Variants in RAI14 observed in about 807,000 individuals in gnomAD.
RAI14 encodes the protein ankycorbin.
In RAI14, 45 loss-of-function variants were observed where a neutral mutation model predicts 115.4. The ratio of observed to expected loss-of-function variants is 0.39; its 90% confidence interval spans 0.31 to 0.50. The LOEUF is 0.50. Ranked by LOEUF, RAI14 falls within the 20% of genes least tolerant of loss-of-function variation. The probability of loss-of-function intolerance (pLI) is 0.85; values close to 1 mark genes in which losing one functional copy is unlikely to be tolerated. For synonymous variants in RAI14, 371 were observed against 415.4 expected, an observed-to-expected ratio of 0.89 and a Z score of 1.30; for missense variants, 939 against 1,131.2, an observed-to-expected ratio of 0.83 and a Z score of 2.44.
chr5:34,728,516 G>A (rs1323403662), intron 2 of RAI14: 1 of 152,144 alleles, frequency 6.6e-6, no homozygotes, highest in Non-Finnish European at 1.5e-5. Flanking sequence ...TCGTGATAGT[G>A]AATAAGTCAC....
At chr5:34,662,326 A>C (rs1742754446) in intron 1 of RAI14, among the ~76,000 whole-genome samples, 1 of 152,236 alleles carries the variant, frequency 6.6e-6, no homozygotes, top group Non-Finnish European at 1.5e-5. Flanking sequence ...TCCTTAATTC[A>C]TGGCACAAAA....
At chr5:34,753,285 C>A (rs1747373054) in intron 2 of RAI14, among the ~76,000 whole-genome samples, 1 of 152,024 alleles carries the variant, frequency 6.6e-6, no homozygotes, top group African/African-American at 2.4e-5. Flanking sequence ...GATAAAATTT[C>A]AAACTTTACC....
In RAI14 at chr5:34,824,287, G is replaced by A. The variant is rs373420832; in HGVS notation, c.2445G>A (p.Glu815=). 6.2e-6 allele frequency: 10 copies of A among 1,614,094 alleles called. No individual in the cohort carries two copies. Among genetic ancestry groups the A allele is most frequent in the Admixed American group, 1.7e-5 (1 of 60,012 alleles). ...SKLKESVKEK[E]KVHSEVVQIR... is the part of the protein sequence containing the mutation. ...TAAAGGAATCTGTGAAAGAGAAAGA[G>A]AAGGTCCATTCAGAGGTTGTCCAGA... is the stretch of plus-strand genomic sequence containing the variant. The change falls in exon 15 of 18, where the codon GAG becomes GAA. Residue 815 remains glutamate (E), a synonymous_variant. Coordinates refer to ENST00000265109, the MANE Select transcript of RAI14 (RefSeq NM_015577.3).
intron 2 of RAI14, among the ~76,000 whole-genome samples, chr5:34,711,227 C>G (rs955469820): frequency 2.0e-5 from 3 of 152,154 alleles, no homozygotes; most frequent in African/African-American, 7.2e-5. Flanking sequence ...CGAAAAGAGA[C>G]TCAGCAAAGG....
At chr5:34,667,748 T>C (rs1404829520) in intron 1 of RAI14, among the ~76,000 whole-genome samples, 1 of 151,880 alleles carries the variant, frequency 6.6e-6, no homozygotes, top group Non-Finnish European at 1.5e-5. Context: ...AAATTGGGAG[T>C]TCCAGGGGAG....
At chr5:34,768,988 C>CA (rs34926209) in intron 3 of RAI14, among the ~76,000 whole-genome samples, 2,801 of 132,070 alleles carry the variant, frequency 0.021, 98 homozygotes, top group African/African-American at 0.07. Context: ...GACCCAGTCT[C>CA]AAAAAAAAAA....
intron 2 of RAI14, among the ~76,000 whole-genome samples, chr5:34,722,739 G>C (rs901750320): frequency 6.6e-6 from 1 of 151,468 alleles, no homozygotes; most frequent in African/African-American, 2.4e-5. Context: ...CCAGCTACTT[G>C]GGGGGCTGAG....
chr5:34,767,397 A>C (rs1749539574), intron 3 of RAI14, among the ~76,000 whole-genome samples: 1 of 152,140 alleles, frequency 6.6e-6, no homozygotes, highest in Non-Finnish European at 1.5e-5. Flanking sequence ...CAGAACCCAC[A>C]GCAGCGAGCG....
intron 4 of RAI14, 125 bp from the exon 5 acceptor site, chr5:34,803,587 C>A: frequency 7.6e-6 from 6 of 792,114 alleles, no homozygotes; most frequent in South Asian, 1.8e-5. Flanking sequence ...AACAAAAAAA[C>A]ACAGTTCCGT....
At chr5:34,769,238 G>A (rs1749827925) in intron 3 of RAI14, among the ~76,000 whole-genome samples, 1 of 152,072 alleles carries the variant, frequency 6.6e-6, no homozygotes, top group East Asian at 1.9e-4. Context: ...TGCTACATCA[G>A]TTCCTAATAG....
At chr5:34,803,523 T>G (rs1754520112) in intron 4 of RAI14, among the ~76,000 whole-genome samples, 189 bp from the exon 5 acceptor site, 1 of 151,854 alleles carries the variant, frequency 6.6e-6, no homozygotes. Context: ...CGTCACTGCA[T>G]TCCAGCCTGG....
At chr5:34,820,258 G>A (rs1756685439) in intron 13 of RAI14, among the ~76,000 whole-genome samples, 1 of 152,192 alleles carries the variant, frequency 6.6e-6, no homozygotes, top group Non-Finnish European at 1.5e-5. Context: ...TTCAAAGTGT[G>A]GGTAAAGTAT....
At position 34,700,067 on chromosome 5, in the gene RAI14, AG is replaced by A. The variant is rs544100014; in HGVS notation, c.36+13113del. Reference sequence around the variant, plus strand: ...TTTTGAGCTGGGTGGGGCCTGGAGAAGAGGCCCAAAGCGCAAATTGGGAACT... The same window carrying A: ...TTTTGAGCTGGGTGGGGCCTGGAGAAAGGCCCAAAGCGCAAATTGGGAACT... On this transcript the variant is annotated intron_variant, in intron 2 of 17. Coordinates refer to ENST00000265109, the MANE Select transcript of RAI14 (RefSeq NM_015577.3). Among the ~76,000 whole-genome samples, 443 of 152,340 alleles carry A rather than the reference AG, an allele frequency of 2.9e-3. 2 individuals carry two copies. The highest frequency in any genetic ancestry group is 0.01 in the African/African-American group (430 of 41,584).
intron 1 of RAI14, chr5:34,684,639 G>A (rs1744657000): frequency 6.6e-6 from 1 of 152,162 alleles, no homozygotes. Context: ...ATTTATCCAA[G>A]GGCCCTAGTC....
chr5:34,726,334 T>A (rs1743462309), intron 2 of RAI14, among the ~76,000 whole-genome samples: 1 of 152,172 alleles, frequency 6.6e-6, no homozygotes, highest in Non-Finnish European at 1.5e-5. Context: ...GGAGGCCTCA[T>A]GAAACTTATG....
chr5:34,789,774 C>T (rs1752713206), intron 3 of RAI14, among the ~76,000 whole-genome samples: 1 of 152,150 alleles, frequency 6.6e-6, no homozygotes, highest in Non-Finnish European at 1.5e-5. Flanking sequence ...TCACGCTTCA[C>T]CCTTTATGAA....
At chr5:34,661,402 A>G (rs149242197) in intron 1 of RAI14, among the ~76,000 whole-genome samples, 1 of 152,222 alleles carries the variant, frequency 6.6e-6, no homozygotes, top group East Asian at 1.9e-4. Flanking sequence ...AGGTAAACAG[A>G]TGTTTGATGA....
In RAI14 at chr5:34,759,145, C is replaced by A. The variant is rs1007017601; in HGVS notation, c.167+1547C>A. 3.3e-4 allele frequency among the ~76,000 whole-genome samples: 51 copies of A among 152,268 alleles called. 1 individual carries two copies. Among genetic ancestry groups the A allele is most frequent in the African/African-American group, 1.2e-3 (50 of 41,560 alleles). ...AGGTATGGTGGCAGGCACCTATAAT[C>A]TCAGCTACTTGGGAGGCTGAGGCAG... On this transcript the variant is annotated intron_variant, in intron 3 of 17. Coordinates refer to ENST00000265109, the MANE Select transcript of RAI14 (RefSeq NM_015577.3).
intron 2 of RAI14, among the ~76,000 whole-genome samples, chr5:34,743,381 C>T (rs1431485252): frequency 2.0e-5 from 3 of 152,212 alleles, no homozygotes; most frequent in Non-Finnish European, 4.4e-5. Context: ...ACATCGCCTT[C>T]TTCCTCATGT....
Sources: gnomAD v4.1 joint callset for allele counts (sites outside exome capture counted in the v4.1 genomes callset) on GRCh38, gnomAD v4.1.1 for gene constraint, MANE v1.5 for transcripts, NCBI Gene and HGNC (gene_info 2026-07-23, HGNC 2026-07-21) for gene names.